CD163L1: variants seen among roughly 807,000 people sequenced by gnomAD.
CD163L1 encodes CD163 molecule like 1.
CD163L1 carries 124 observed loss-of-function variants against 165.4 expected under a neutral mutation model. The ratio of observed to expected loss-of-function variants is 0.75; its 90% confidence interval spans 0.65 to 0.87. CD163L1 has a LOEUF of 0.87. CD163L1 is among the 40% of genes least tolerant of loss of function. The pLI is 0.00. For synonymous variants in CD163L1, 585 were observed against 662.2 expected (o/e 0.88, Z 1.79); for missense variants, 1,525 against 1,799.9 (o/e 0.85, Z 2.76).
chr12:7,397,691 C>T (rs989679569), intron 7 of CD163L1, among the ~76,000 whole-genome samples: 1 of 152,146 alleles, frequency 6.6e-6, no homozygotes, highest in Non-Finnish European at 1.5e-5. Context: ...TCCCATCAGC[C>T]CTCTTTACAT....
At chr12:7,323,346 A>G in the CD163L1 span, 1 of 1,601,686 alleles carries the variant, frequency 6.2e-7, no homozygotes, top group Non-Finnish European at 8.5e-7. Context: ...CTGGTTCAGT[A>G]AAGGAGAGAG....
At chr12:7,393,659 A>G (rs1420025057) in intron 8 of CD163L1, among the ~76,000 whole-genome samples, 1 of 152,234 alleles carries the variant, frequency 6.6e-6, no homozygotes, top group African/African-American at 2.4e-5. Context: ...ACATGATTGT[A>G]TAGTTAGAAA....
At chr12:7,375,254 A>C (rs372655022) in intron 11 of CD163L1, 27 bp downstream of exon 11, 49 of 1,605,518 alleles carry the variant, frequency 3.1e-5, no homozygotes, top group Non-Finnish European at 3.9e-5. Flanking sequence ...TATTGACAGT[A>C]GTTAACCATA....
Position 7,381,529 on chromosome 12 carries a change from T to G in CD163L1, c.2051-2231A>C, listed in dbSNP as rs747253579. Reference sequence around the variant, plus strand: ...CTTTGGAGCTCAGTGACAGGGTTTGTGAAACATGAGTCAAGATCTGTTTGT... The same window carrying G: ...CTTTGGAGCTCAGTGACAGGGTTTGGGAAACATGAGTCAAGATCTGTTTGT... On this transcript the variant is annotated intron_variant, in intron 8 of 19. Coordinates refer to ENST00000313599, the MANE Select transcript of CD163L1 (RefSeq NM_174941.6). Among the ~76,000 whole-genome samples, 5 of 152,318 alleles carry G rather than the reference T, an allele frequency of 3.3e-5. No homozygotes were observed. The East Asian group carries it at 7.7e-4, about 23-fold the overall frequency.
At chr12:7,409,533 T>A (rs1948091863) in intron 4 of CD163L1, among the ~76,000 whole-genome samples, 1 of 152,130 alleles carries the variant, frequency 6.6e-6, no homozygotes, top group South Asian at 2.1e-4. Flanking sequence ...GGGTTTGCGC[T>A]CCTGTGAGAA....
Position 7,433,674 on chromosome 12 carries a change from T to G in CD163L1, c.145A>C (p.Arg49=). 6.2e-7 allele frequency: 1 copy of G among 1,612,626 alleles called. No individual in the cohort carries two copies. Among genetic ancestry groups the G allele is most frequent in the South Asian group, 1.1e-5 (1 of 90,818 alleles). ...SSFNGTDLEL[R]LVNGDGPCSG... ...CAGGGACCGTCTCCATTGACCAGCC[T>G]CAACTCCAAATCTGTTCCATCTGCA... Residue 49 remains arginine (R), a synonymous_variant, in exon 3 of 20, where the codon AGG becomes CGG. Transcript: ENST00000313599.
chr12:7,369,263 G>C lies in CD163L1; in HGVS notation c.4039+94C>G. ...TTTCATTCTTCAACAAGAAATCCTA[G>C]TATCTTCAGCTCAACTCTCTGAGTG... On this transcript the variant is annotated intron_variant, in intron 15 of 19. Coordinates refer to ENST00000313599, the MANE Select transcript of CD163L1 (RefSeq NM_174941.6). The surrounding 1 kb of genome is among the most constrained non-coding windows in gnomAD (Gnocchi z 4.9). 7.7e-7 allele frequency: 1 copy of C among 1,304,408 alleles called. No individual in the cohort carries two copies. The highest frequency in any genetic ancestry group is 1.5e-5 in the African/African-American group (1 of 67,940). The allele number at this position is 1,304,408 out of a possible 1,614,324, so 80.8% of individuals were successfully genotyped here. A position where few individuals can be genotyped will look rare whatever the true frequency, so the allele number is the denominator to read the frequency against.
chr12:7,436,107 T>C (rs1265799850), intron 2 of CD163L1, among the ~76,000 whole-genome samples: 1 of 151,916 alleles, frequency 6.6e-6, no homozygotes, highest in Non-Finnish European at 1.5e-5. Flanking sequence ...TCTGGTGGGG[T>C]TGGAAGGTAG....
intron 4 of CD163L1, among the ~76,000 whole-genome samples, chr12:7,422,159 T>C (rs1034072668): frequency 6.6e-6 from 1 of 151,980 alleles, no homozygotes; most frequent in African/African-American, 2.4e-5. Flanking sequence ...GGGTCTGGAG[T>C]GGAGCCCAAG....
At chr12:7,345,765 A>G (rs1025962824), downstream of CD163L1, among the ~76,000 whole-genome samples, 3 of 152,194 alleles carry the variant, frequency 2.0e-5, no homozygotes, top group Admixed American at 6.5e-5. Flanking sequence ...AGTTTTGCAG[A>G]CTGTACAGGC....
In CD163L1 at chr12:7,368,258, CA is replaced by C; in HGVS notation, c.4073-62del. ...AGTAGATATCAATTGTGGGTTTATA[CA>C]TTGTAAAAAAAACTGGTTCCCTAGT... On this transcript the variant is annotated intron_variant, in intron 16 of 19. Coordinates refer to ENST00000313599, the MANE Select transcript of CD163L1 (RefSeq NM_174941.6). The surrounding 1 kb of genome is among the most constrained non-coding windows in gnomAD (Gnocchi z 4.3). 1.1e-6 allele frequency: 1 copy of C among 939,658 alleles called. No homozygotes were observed. Among genetic ancestry groups the C allele is most frequent in the South Asian group, 1.5e-5 (1 of 64,928 alleles). The allele number at this position is 939,658 out of a possible 1,614,324, so 58.2% of individuals were successfully genotyped here.
At position 7,403,681 on chromosome 12, in the gene CD163L1, C is replaced by T. The variant is rs568854207; in HGVS notation, c.1262G>A (p.Arg421His). 69 of 1,614,076 alleles carry T rather than the reference C, an allele frequency of 4.3e-5. No homozygotes were observed. The South Asian group carries it at 5.6e-4, about 13-fold the overall frequency. ...TCTAGCTTCATTACTAGGTTTAGCACGACGACTGCCAAAGACGCTGAACGG... is the reference window on the plus strand; with the variant it reads ...TCTAGCTTCATTACTAGGTTTAGCATGACGACTGCCAAAGACGCTGAACGG... ...GCPFSVFGSR[R>H]AKPSNEARDI... The change falls in exon 6 of 20, where the codon CGT (arginine) becomes CAT (histidine). Residue 421 changes from arginine (R) to histidine (H), a missense_variant. Physicochemically the swap from Arg to His is conservative, Grantham distance 29. Transcript: ENST00000313599.
intron 6 of CD163L1, among the ~76,000 whole-genome samples, chr12:7,402,065 T>C (rs1947924910): frequency 6.6e-6 from 1 of 151,944 alleles, no homozygotes; most frequent in Non-Finnish European, 1.5e-5. Flanking sequence ...TGGATACCAT[T>C]ATATATTATA....
chr12:7,357,133 C>G (rs1336677859), intron 19 of CD163L1, among the ~76,000 whole-genome samples: 1 of 152,114 alleles, frequency 6.6e-6, no homozygotes, highest in Non-Finnish European at 1.5e-5. Context: ...TCCTTAGTGA[C>G]AGACTATCTG....
the CD163L1 span, among the ~76,000 whole-genome samples, chr12:7,335,422 GA>G: frequency 3.9e-3 from 590 of 152,228 alleles, 6 homozygotes; most frequent in African/African-American, 0.014. Flanking sequence ...ATGGTGCTGG[GA>G]AAAACTGGCT....
rs141153568 is a variant in CD163L1 at position 7,398,533 on chromosome 12, C to T, written c.1460G>A (p.Gly487Glu). Reference sequence around the variant, plus strand: ...TCCTTGGTATTTCACCTCCAATCTCCCATAACAGGGGCTATGAGCCCCGAC... The same window carrying T: ...TCCTTGGTATTTCACCTCCAATCTCTCATAACAGGGGCTATGAGCCCCGAC... ...RLVGAHSPCY[G>E]RLEVKYQGEW... Residue 487 changes from glycine to glutamate, a missense_variant, in exon 7 of 20, where the codon GGG (glycine) becomes GAG (glutamate). Coordinates refer to ENST00000313599, the MANE Select transcript of CD163L1 (RefSeq NM_174941.6). The surrounding 1 kb of genome is among the most constrained non-coding windows in gnomAD (Gnocchi z 4.5). The T allele has an allele frequency of 2.5e-5, 41 of 1,611,502 alleles. No individual in the cohort carries two copies. In the East Asian group the frequency reaches 8.5e-4, roughly 33 times the overall value.
intron 4 of CD163L1, among the ~76,000 whole-genome samples, chr12:7,413,090 TC>T (rs1948170362): frequency 2.2e-5 from 1 of 45,260 alleles, no homozygotes. Flanking sequence ...AGACTCCATC[TC>T]AAAAAAAAAA....
Position 7,400,725 on chromosome 12 carries a change from A to C in CD163L1, c.1409-2141T>G, listed in dbSNP as rs1463880785. Among the ~76,000 whole-genome samples, 4 of 152,190 alleles carry C rather than the reference A, an allele frequency of 2.6e-5. No individual in the cohort carries two copies. The highest frequency in any genetic ancestry group is 9.6e-5 in the African/African-American group (4 of 41,460). ...TTACCTTAAAAACAATTCCAATGTC[A>C]ATTCATATTTAGAAGAACAAAAAGG... On this transcript the variant is annotated intron_variant, in intron 6 of 19. Transcript: ENST00000313599. The surrounding 1 kb of genome is among the most constrained non-coding windows in gnomAD (Gnocchi z 4.1).
intron 8 of CD163L1, among the ~76,000 whole-genome samples, chr12:7,384,526 A>G (rs1301191396): frequency 6.6e-6 from 1 of 152,174 alleles, no homozygotes; most frequent in African/African-American, 2.4e-5. Context: ...CCAAGATAAA[A>G]AAATAATTTT....
Sources: gnomAD v4.1 joint callset for allele counts (sites outside exome capture counted in the v4.1 genomes callset) on GRCh38, gnomAD v4.1.1 for gene constraint, Gnocchi (gnomAD v3.1) non-coding constraint, MANE v1.5 for transcripts, NCBI Gene and HGNC (gene_info 2026-07-23, HGNC 2026-07-21) for gene names.